The following RORA variants were observed in gnomAD, a reference collection of about 807,000 sequenced individuals.
The protein encoded by RORA is RAR related orphan receptor A, also known as nuclear receptor ROR-alpha.
Under a neutral mutation model 69.5 loss-of-function variants are expected in RORA, and 7 were observed. The ratio of observed to expected loss-of-function variants is 0.10; its 90% CI spans 0.06 to 0.19. The LOEUF is 0.19. RORA is among the 10% of genes least tolerant of loss of function. The pLI, the probability that RORA is intolerant of heterozygous loss-of-function variation, is 1.00. For missense variants in RORA, 457 were observed against 663.0 expected (o/e 0.69, Z 3.41); for synonymous variants, 261 against 240.8 (o/e 1.08, Z -0.78).
intron 1 of RORA, among the ~76,000 whole-genome samples, chr15:61,204,075 T>C (rs766230755): frequency 6.6e-6 from 1 of 152,204 alleles, no homozygotes; most frequent in Non-Finnish European, 1.5e-5. Flanking sequence ...AGCTCAACAC[T>C]GTGAATTCAG....
chr15:61,198,237 A>C (rs2079862545), intron 1 of RORA, among the ~76,000 whole-genome samples: 1 of 152,244 alleles, frequency 6.6e-6, no homozygotes, highest in South Asian at 2.1e-4. Flanking sequence ...GCAGCAGTCT[A>C]GGTATAAGCA....
intron 1 of RORA, among the ~76,000 whole-genome samples, chr15:61,092,472 A>T (rs782910): frequency 6.6e-6 from 1 of 152,196 alleles, no homozygotes; most frequent in Non-Finnish European, 1.5e-5. Flanking sequence ...GGCAAACACC[A>T]CTTTATCAAG....
intron 3 of RORA, among the ~76,000 whole-genome samples, chr15:60,524,167 C>G (rs1233829546): frequency 1.3e-5 from 2 of 152,224 alleles, no homozygotes. Context: ...TTCTCAGATC[C>G]ATCTACTTGT....
intron 1 of RORA, among the ~76,000 whole-genome samples, chr15:61,217,731 G>T (rs2080053749): frequency 6.6e-6 from 1 of 151,850 alleles, no homozygotes; most frequent in Non-Finnish European, 1.5e-5. Flanking sequence ...GCCACCCTTG[G>T]GCTCTTACAC....
chr15:61,180,921 T>C (rs909310729), intron 1 of RORA, among the ~76,000 whole-genome samples: 1 of 152,116 alleles, frequency 6.6e-6, no homozygotes, highest in African/African-American at 2.4e-5. Context: ...CTGGCCAATA[T>C]GGCGAAACCT....
At chr15:61,066,038 T>A (rs970680207) in intron 1 of RORA, among the ~76,000 whole-genome samples, 3 of 152,366 alleles carry the variant, frequency 2.0e-5, no homozygotes, top group African/African-American at 7.2e-5. Context: ...TTGGGCCTTT[T>A]ACTTATGTCT....
chr15:60,509,149 T>G (rs1232620166), intron 5 of RORA, among the ~76,000 whole-genome samples: 2 of 152,168 alleles, frequency 1.3e-5, no homozygotes. Flanking sequence ...CCAGGGAAAT[T>G]TAAGTAGCTT....
chr15:60,868,558 CCCTG>C (rs2073516319), intron 1 of RORA, among the ~76,000 whole-genome samples: 1 of 152,142 alleles, frequency 6.6e-6, no homozygotes, highest in Admixed American at 6.5e-5. Flanking sequence ...CTTGGACCAA[CCCTG>C]CCTGTGTGGC....
At chr15:60,566,232 CTG>C (rs1346562892) in intron 2 of RORA, among the ~76,000 whole-genome samples, 1 of 152,148 alleles carries the variant, frequency 6.6e-6, no homozygotes, top group Non-Finnish European at 1.5e-5. Flanking sequence ...ATATTTAACT[CTG>C]TAAAAATACT....
chr15:60,802,453 A>G (rs2072598311), intron 1 of RORA, among the ~76,000 whole-genome samples: 1 of 152,162 alleles, frequency 6.6e-6, no homozygotes, highest in Non-Finnish European at 1.5e-5. Context: ...AATTCTCCTA[A>G]ATACTTCATG....
intron 1 of RORA, among the ~76,000 whole-genome samples, chr15:61,174,088 T>A (rs2041462399): frequency 6.6e-6 from 1 of 152,212 alleles, no homozygotes; most frequent in Non-Finnish European, 1.5e-5. Context: ...CTGGGGCAAC[T>A]CACCATTTAC....
At chr15:60,902,207 A>T (rs1316029705) in intron 1 of RORA, among the ~76,000 whole-genome samples, 1 of 152,158 alleles carries the variant, frequency 6.6e-6, no homozygotes, top group East Asian at 1.9e-4. Context: ...TTGTAGTGTC[A>T]TATGGTCACC....
chr15:60,779,093 G>A (rs759111896), intron 1 of RORA, among the ~76,000 whole-genome samples: 6 of 152,118 alleles, frequency 3.9e-5, no homozygotes, highest in South Asian at 2.1e-4. Flanking sequence ...TTTAGGTAGC[G>A]AGCATAAATA....
At chr15:60,910,897 T>TG (rs1290388958) in intron 1 of RORA, among the ~76,000 whole-genome samples, 40 of 135,406 alleles carry the variant, frequency 3.0e-4, no homozygotes, top group Non-Finnish European at 5.1e-4. Context: ...TTGTTGTTGT[T>TG]TTTTGGGTTT....
At chr15:60,932,757 C>A (rs1356425804) in intron 1 of RORA, among the ~76,000 whole-genome samples, 1 of 152,188 alleles carries the variant, frequency 6.6e-6, no homozygotes, top group Non-Finnish European at 1.5e-5. Flanking sequence ...CATGCCAAGA[C>A]TCCCTGGCAT....
rs2068701565 is a variant in RORA at position 60,597,552 on chromosome 15, ATATATATATATATATATATAT to A, written c.197-65722_197-65702del. Among the ~76,000 whole-genome samples, 8 of 21,730 alleles carry A rather than the reference ATATATATATATATATATATAT, an allele frequency of 3.7e-4. 1 individual carries two copies. Among genetic ancestry groups the A allele is most frequent in the African/African-American group, 6.5e-4 (3 of 4,614 alleles). The allele number at this position is 21,730 out of a possible 152,430, so 14.3% of individuals were successfully genotyped here. ...ACACACACACACACACACACACAAC[ATATATATATATATATATATAT>A]ACACATATATATATATATATACACA... is the stretch of plus-strand genomic sequence containing the variant. On this transcript the variant is annotated intron_variant, in intron 2 of 10. Transcript: ENST00000335670.
At chr15:61,168,268 G>T (rs1036499699) in intron 1 of RORA, among the ~76,000 whole-genome samples, 16 of 151,944 alleles carry the variant, frequency 1.1e-4, no homozygotes, top group Non-Finnish European at 1.9e-4. Context: ...TTGCTCTGTT[G>T]TCCAGGCTGG....
At chr15:60,783,877 T>A (rs2072297846) in intron 1 of RORA, among the ~76,000 whole-genome samples, 1 of 152,212 alleles carries the variant, frequency 6.6e-6, no homozygotes, top group Non-Finnish European at 1.5e-5. Context: ...GAAACCCAGA[T>A]CCATGTGGCT....
rs566970356 is a variant in RORA at position 61,220,766 on chromosome 15, A to C, written c.166+8287T>G. 2.6e-5 allele frequency among the ~76,000 whole-genome samples: 4 copies of C among 152,276 alleles called. No homozygotes were observed. In the East Asian group the frequency reaches 7.7e-4, roughly 29 times the overall value. On this transcript the variant is annotated intron_variant, in intron 1 of 10. Transcript: ENST00000335670. ...TGGCATTCTCGACAAGTTCGTCATA[A>C]CTTCTCAAAGTGTCAACTTTTCCTC...
Sources: gnomAD v4.1 joint callset for allele counts (sites outside exome capture counted in the v4.1 genomes callset) on GRCh38, gnomAD v4.1.1 for gene constraint, MANE v1.5 for transcripts, NCBI Gene and HGNC (gene_info 2026-07-23, HGNC 2026-07-21) for gene names.